The following NSD2 variants were observed in gnomAD, a reference collection of about 807,000 sequenced individuals.
NSD2 encodes the protein histone-lysine N-methyltransferase NSD2.
NSD2 carries 12 observed loss-of-function variants against 139.0 expected under a neutral mutation model. The observed-to-expected ratio is 0.09, with a 90% CI of 0.06 to 0.14. The LOEUF is 0.14. NSD2 is among the 10% of genes least tolerant of loss of function. The pLI is 1.00. For missense variants in NSD2, 1,155 were observed against 1,745.0 expected (o/e 0.66, Z 6.02); for synonymous variants, 669 against 648.7 (o/e 1.03, Z -0.48).
At position 1,972,010 on chromosome 4, in the gene NSD2, C is replaced by G. The variant is rs955718512; in HGVS notation, c.3373-2853C>G. ...GGACGCTCACGCCGCTCCTGTACCC[C>G]CAAGGCTGCGGGTGCTGGGTGATGC... On this transcript the variant is annotated intron_variant, in intron 18 of 21. Coordinates refer to ENST00000508803, the MANE Select transcript of NSD2 (RefSeq NM_001042424.3). The surrounding 1 kb of genome is among the most constrained non-coding windows in gnomAD (Gnocchi z 4.0). Among the ~76,000 whole-genome samples, 8 of 152,310 alleles carry G rather than the reference C, an allele frequency of 5.3e-5. No individual in the cohort carries two copies. The highest frequency in any genetic ancestry group is 3.9e-4 in the East Asian group (2 of 5,184).
At chr4:1,953,669 G>A (rs2108951705) in intron 12 of NSD2, 145 bp downstream of exon 12, 1 of 1,047,198 alleles carries the variant, frequency 9.5e-7, no homozygotes, top group East Asian at 2.5e-5. Flanking sequence ...GGCTGGGTTG[G>A]GTTTTCTTTG....
At position 1,980,174 on chromosome 4, in the gene NSD2, CCA is replaced by C. The variant is rs1727617504; in HGVS notation, c.*1267_*1268del. Reference sequence around the variant, plus strand: ...CACTGGTCTAGGCCAGGTATGACACCCACTCTCCTGTGAGATTTCACTTTAGT... The same window carrying C: ...CACTGGTCTAGGCCAGGTATGACACCCTCTCCTGTGAGATTTCACTTTAGT... On this transcript the variant is annotated 3_prime_UTR_variant, in exon 22 of 22. Coordinates refer to ENST00000508803, the MANE Select transcript of NSD2 (RefSeq NM_001042424.3). 2 of 233,160 alleles carry C rather than the reference CCA, an allele frequency of 8.6e-6. No homozygotes were observed. The allele number at this position is 233,160 out of a possible 1,614,324, so 14.4% of individuals were successfully genotyped here. A position where few individuals can be genotyped will look rare whatever the true frequency, so the allele number is the denominator to read the frequency against.
At chr4:1,873,008 C>T (rs1381169856) in intron 1 of NSD2, among the ~76,000 whole-genome samples, 1 of 152,226 alleles carries the variant, frequency 6.6e-6, no homozygotes, top group Non-Finnish European at 1.5e-5. Context: ...TTGATGTGTG[C>T]TCTCATTCCC....
chr4:1,980,810 A>T lies in NSD2; in HGVS notation c.*1901A>T. ...TCGCCGGTTAAGACAGGGTGGGAGT[A>T]GTGCTTTCCAGTTCAGACTCTAACT... is the stretch of plus-strand genomic sequence containing the variant. On this transcript the variant is annotated 3_prime_UTR_variant, in exon 22 of 22. Transcript: ENST00000508803. The T allele has an allele frequency of 4.3e-6, 1 of 233,312 alleles. No homozygotes were observed. The highest frequency in any genetic ancestry group is 6.0e-5 in the East Asian group (1 of 16,590). The allele number at this position is 233,312 out of a possible 1,614,324, so 14.5% of individuals were successfully genotyped here.
At chr4:1,898,536 C>T (rs888699236) in intron 1 of NSD2, among the ~76,000 whole-genome samples, 7 of 151,674 alleles carry the variant, frequency 4.6e-5, no homozygotes, top group East Asian at 3.9e-4. Context: ...TGGTGGTGGG[C>T]GCCTGTAGTC....
At chr4:1,949,608 A>G (rs942669269) in intron 9 of NSD2, among the ~76,000 whole-genome samples, 16 of 152,102 alleles carry the variant, frequency 1.1e-4, no homozygotes, top group Non-Finnish European at 1.0e-4. Flanking sequence ...TAAAAATACA[A>G]AAAATTTAGC....
At chr4:1,965,737 C>T (rs1002320237) in intron 18 of NSD2, among the ~76,000 whole-genome samples, 45 of 152,184 alleles carry the variant, frequency 3.0e-4, no homozygotes, top group African/African-American at 1.1e-3. Context: ...CTTACCATCA[C>T]GGTGAAGGTG....
intron 21 of NSD2, among the ~76,000 whole-genome samples, chr4:1,977,222 A>G (rs1483512896): frequency 6.6e-6 from 1 of 152,234 alleles, no homozygotes; most frequent in Non-Finnish European, 1.5e-5. Context: ...TGTTTGAGGG[A>G]AAGTAGAGTG....
At chr4:1,944,145 C>G in intron 9 of NSD2, 1 of 1,066,308 alleles carries the variant, frequency 9.4e-7, no homozygotes, top group Non-Finnish European at 1.1e-6. Flanking sequence ...CAAGTGAACT[C>G]AGCACTCTGC....
In NSD2 at chr4:1,979,308, T is replaced by C. The variant is rs891454573; in HGVS notation, c.*399T>C. 40 of 243,366 alleles carry C rather than the reference T, an allele frequency of 1.6e-4. No individual in the cohort carries two copies. Among genetic ancestry groups the C allele is most frequent in the Admixed American group, 1.5e-3 (27 of 18,048 alleles). The allele number at this position is 243,366 out of a possible 1,614,324, so 15.1% of individuals were successfully genotyped here. Reference sequence around the variant, plus strand: ...GGTCGCTAGAAACTCGTCTTCGCGTTGCCCCCTTTCTGGCTCTCAGCGCCG... The same window carrying C: ...GGTCGCTAGAAACTCGTCTTCGCGTCGCCCCCTTTCTGGCTCTCAGCGCCG... On this transcript the variant is annotated 3_prime_UTR_variant, in exon 22 of 22. Transcript: ENST00000508803.
At chr4:1,872,250 CG>C (rs1425923115) in intron 1 of NSD2, among the ~76,000 whole-genome samples, 2 of 152,138 alleles carry the variant, frequency 1.3e-5, no homozygotes, top group East Asian at 3.9e-4. Flanking sequence ...CCTCGGCGTC[CG>C]GGCCTCCGCC....
intron 1 of NSD2, chr4:1,899,292 TC>T (rs1560587528): frequency 6.6e-6 from 1 of 152,190 alleles, no homozygotes; most frequent in Non-Finnish European, 1.5e-5. Flanking sequence ...TCAGGTGTCC[TC>T]CACCTCAGTA....
Position 1,958,943 on chromosome 4 carries a change from G to A in NSD2, c.2986-528G>A, listed in dbSNP as rs539339410. 1.1e-4 allele frequency among the ~76,000 whole-genome samples: 17 copies of A among 152,252 alleles called. No individual in the cohort carries two copies. Among genetic ancestry groups the A allele is most frequent in the Admixed American group, 3.9e-4 (6 of 15,298 alleles). ...GCTGTCTCTACTGCTTTGTTATTTG[G>A]TTGCTTGTCTTTCACTAATAGTAAA... On this transcript the variant is annotated intron_variant, in intron 16 of 21. Transcript: ENST00000508803. The surrounding 1 kb of genome is among the most constrained non-coding windows in gnomAD (Gnocchi z 4.6).
At chr4:1,878,252 T>TATATATATATATATATATATATA (rs869142339) in intron 1 of NSD2, among the ~76,000 whole-genome samples, 1 of 27,612 alleles carries the variant, frequency 3.6e-5, no homozygotes, top group African/African-American at 1.7e-4. Flanking sequence ...TATATATATA[T>TATATATATATATATATATATATA]TTTTTTTTTT....
intron 1 of NSD2, among the ~76,000 whole-genome samples, chr4:1,899,682 T>A (rs1716905377): frequency 6.6e-6 from 1 of 152,192 alleles, no homozygotes; most frequent in Admixed American, 6.5e-5. Flanking sequence ...CTCTGGCCCC[T>A]TCACTAGATG....
chr4:1,921,228 C>T (rs927893739), intron 5 of NSD2, among the ~76,000 whole-genome samples: 1 of 152,122 alleles, frequency 6.6e-6, no homozygotes, highest in Non-Finnish European at 1.5e-5. Context: ...GAGGCTGAGG[C>T]GGGTAGATCA....
In NSD2 at chr4:1,938,441, T is replaced by TTAAA; in HGVS notation, c.1675-10_1675-9insTAAA. ...CTTTTTTTTTTTTTTTTTTTTTTTT[T>TTAAA]AAATAATAGAGAGACACAATCACTG... On this transcript the variant is annotated splice_polypyrimidine_tract_variant and intron_variant, in intron 7 of 21. Transcript: ENST00000508803. The TTAAA allele has an allele frequency of 9.2e-7, 1 of 1,091,090 alleles. No individual in the cohort carries two copies. The highest frequency in any genetic ancestry group is 1.3e-6 in the Non-Finnish European group (1 of 780,464). The allele number at this position is 1,091,090 out of a possible 1,614,324, so 67.6% of individuals were successfully genotyped here.
At chr4:1,978,608 T>C (rs761844216) in intron 21 of NSD2, 30 bp from the exon 22 acceptor site, 2 of 1,578,912 alleles carry the variant, frequency 1.3e-6, no homozygotes, top group Middle Eastern at 1.7e-4. Flanking sequence ...CCATCACTTC[T>C]GTGTGCTCAC....
chr4:1,976,718 G>C lies in NSD2; in HGVS notation c.3826+39G>C. The C allele has an allele frequency of 6.5e-7, 1 of 1,535,102 alleles. No homozygotes were observed. Among genetic ancestry groups the C allele is most frequent in the Non-Finnish European group, 8.8e-7 (1 of 1,138,352 alleles). On this transcript the variant is annotated intron_variant, in intron 21 of 21. Transcript: ENST00000508803. This position sits in a 1 kb window ranked among gnomAD's most constrained non-coding sequence, Gnocchi z 5.3. The stretch of plus-strand genomic sequence containing the variant: ...CTCGCGGTGGCTTGCAGCTGTGTCT[G>C]TGTGGCAGGCTCCTGATGGCGGCTG...
Sources: gnomAD v4.1 joint callset for allele counts (sites outside exome capture counted in the v4.1 genomes callset) on GRCh38, gnomAD v4.1.1 for gene constraint, Gnocchi (gnomAD v3.1) non-coding constraint, MANE v1.5 for transcripts, NCBI Gene and HGNC (gene_info 2026-07-23, HGNC 2026-07-21) for gene names.